Variants in ZNF69 observed in about 807,000 individuals in gnomAD.
The protein encoded by ZNF69 is ZNF3.
In ZNF69, 47 loss-of-function variants were observed where a neutral mutation model predicts 50.9. The observed-to-expected ratio is 0.92, with a 90% CI of 0.73 to 1.18. The LOEUF is 1.18. Ranked by LOEUF, ZNF69 falls within the 50% of genes most tolerant of loss-of-function variation. ZNF69 has a pLI of 0.00. For synonymous variants in ZNF69, 216 were observed against 223.1 expected, an observed-to-expected ratio of 0.97 and a Z score of 0.29; for missense variants, 717 against 675.1, an observed-to-expected ratio of 1.06 and a Z score of -0.69.
the ZNF69 span, among the ~76,000 whole-genome samples, chr19:11,972,670 T>C: frequency 1.3e-5 from 2 of 152,244 alleles, no homozygotes; most frequent in Non-Finnish European, 2.9e-5. Context: ...CATGGAATGA[T>C]AGTTAATTCA....
chr19:11,934,725 C>A, the ZNF69 span, among the ~76,000 whole-genome samples: 1 of 147,548 alleles, frequency 6.8e-6, no homozygotes, highest in Non-Finnish European at 1.5e-5. Context: ...TGAGGTTTTA[C>A]CATGTTGGCC....
At chr19:11,967,237 T>G in the ZNF69 span, among the ~76,000 whole-genome samples, 1 of 152,022 alleles carries the variant, frequency 6.6e-6, no homozygotes, top group African/African-American at 2.4e-5. Flanking sequence ...TTGGGAGGCT[T>G]AAGTGGGAGA....
chr19:11,945,879 T>C, the ZNF69 span, among the ~76,000 whole-genome samples: 2 of 152,208 alleles, frequency 1.3e-5, no homozygotes, highest in African/African-American at 4.8e-5. Context: ...GGTGGATTAC[T>C]TCATGTACCC....
chr19:11,961,112 T>C, the ZNF69 span, among the ~76,000 whole-genome samples: 20,648 of 152,108 alleles, frequency 0.14, 2,604 homozygotes, highest in African/African-American at 0.34. Flanking sequence ...GACCCTGTCT[T>C]AAAAACAAAA....
At chr19:11,957,735 GTCT>G in the ZNF69 span, among the ~76,000 whole-genome samples, 1 of 150,986 alleles carries the variant, frequency 6.6e-6, no homozygotes, top group Non-Finnish European at 1.5e-5. Context: ...ACACCAGCTA[GTCT>G]GGTGACTGAG....
At chr19:11,932,731 G>A in the ZNF69 span, among the ~76,000 whole-genome samples, 164 of 142,594 alleles carry the variant, frequency 1.2e-3, 18 homozygotes, top group African/African-American at 4.4e-3. Context: ...TCCGCCTCCC[G>A]GGTTCACGCC....
chr19:11,950,488 C>G, the ZNF69 span: 1 of 653,276 alleles, frequency 1.5e-6, no homozygotes, highest in Non-Finnish European at 2.8e-6. Flanking sequence ...TATTCTAGTT[C>G]CGTTTGATAT....
chr19:11,902,003 C>T (rs1306327275), intron 1 of ZNF69, among the ~76,000 whole-genome samples: 207 of 81,586 alleles, frequency 2.5e-3, no homozygotes, highest in African/African-American at 8.3e-3. Context: ...TTTTTTGAAT[C>T]GGAGTTTCAC....
At chr19:11,891,125 G>A (rs1382588573) in intron 1 of ZNF69, among the ~76,000 whole-genome samples, 2 of 152,110 alleles carry the variant, frequency 1.3e-5, no homozygotes, top group Non-Finnish European at 2.9e-5. Context: ...TGAGAAGGGA[G>A]TTTGTTGAAA....
the ZNF69 span, among the ~76,000 whole-genome samples, chr19:11,935,500 G>A: frequency 0.013 from 1,972 of 152,004 alleles, 24 homozygotes; most frequent in South Asian, 0.025. Context: ...CCAAAGTGCC[G>A]GGATTATAGG....
chr19:11,938,281 A>T, the ZNF69 span, among the ~76,000 whole-genome samples: 3 of 152,112 alleles, frequency 2.0e-5, no homozygotes, highest in Non-Finnish European at 4.4e-5. Context: ...CATGTGCACA[A>T]TGTGCAGGTT....
chr19:11,908,856 C>A (rs181335126), downstream of ZNF69, among the ~76,000 whole-genome samples: 30 of 152,200 alleles, frequency 2.0e-4, no homozygotes, highest in East Asian at 4.8e-3. Flanking sequence ...ACAGAAAAAA[C>A]CCTTCAAAAA....
the ZNF69 span, among the ~76,000 whole-genome samples, chr19:11,963,374 C>T: frequency 5.9e-5 from 9 of 152,138 alleles, no homozygotes; most frequent in African/African-American, 1.2e-4. Flanking sequence ...GGATTACAGG[C>T]GTGAGCCATG....
the ZNF69 span, chr19:11,947,345 A>C: frequency 6.2e-7 from 1 of 1,611,930 alleles, no homozygotes; most frequent in Non-Finnish European, 8.5e-7. Flanking sequence ...GTGCATTAGC[A>C]AACCAGTGTT....
chr19:11,952,723 T>C, the ZNF69 span, among the ~76,000 whole-genome samples: 1 of 152,136 alleles, frequency 6.6e-6, no homozygotes. Context: ...GGTGGAGTCA[T>C]TGATTGTCAG....
At chr19:11,980,181 A>C in the ZNF69 span, 10 of 572,832 alleles carry the variant, frequency 1.7e-5, no homozygotes, top group African/African-American at 1.9e-4. Flanking sequence ...GGAGTTCAAG[A>C]CTGGCCTGAT....
At chr19:11,975,242 C>T in the ZNF69 span, among the ~76,000 whole-genome samples, 1 of 151,122 alleles carries the variant, frequency 6.6e-6, no homozygotes, top group South Asian at 2.1e-4. Context: ...TGAGATAAAA[C>T]GCATGTTTAG....
chr19:11,965,085 G>A, the ZNF69 span: 1 of 1,297,532 alleles, frequency 7.7e-7, no homozygotes, highest in South Asian at 1.2e-5. Flanking sequence ...GATATCCGCT[G>A]TATCCATCCC....
At chr19:11,897,815 T>G (rs279199) in intron 1 of ZNF69, among the ~76,000 whole-genome samples, 4,280 of 144,640 alleles carry the variant, frequency 0.03, 218 homozygotes, top group African/African-American at 0.11. Flanking sequence ...GAGGTTGCAG[T>G]GAGCCAAGAT....
Sources: gnomAD v4.1 joint callset for allele counts (sites outside exome capture counted in the v4.1 genomes callset) on GRCh38, gnomAD v4.1.1 for gene constraint, MANE v1.5 for transcripts, NCBI Gene and HGNC (gene_info 2026-07-23, HGNC 2026-07-21) for gene names.